FBXL7: variants seen among roughly 807,000 people sequenced by gnomAD.
FBXL7 encodes F-box/LRR-repeat protein 7.
Under a neutral mutation model 38.3 loss-of-function variants are expected in FBXL7, and 12 were observed. The ratio of observed to expected loss-of-function variants is 0.31; its 90% CI spans 0.20 to 0.51. The LOEUF is 0.51. Among genes scored for constraint, FBXL7 ranks in the 20% least tolerant of loss-of-function variants. The pLI is 0.98. For synonymous variants in FBXL7, 297 were observed against 300.9 expected (o/e 0.99, Z 0.13); for missense variants, 567 against 676.4 (o/e 0.84, Z 1.79).
intron 2 of FBXL7, among the ~76,000 whole-genome samples, chr5:15,797,105 T>C (rs1162152961): frequency 6.6e-6 from 1 of 152,236 alleles, no homozygotes; most frequent in Non-Finnish European, 1.5e-5. Context: ...GTGACATAGC[T>C]GAGTGACCAT....
chr5:15,514,779 A>G (rs773089446), intron 1 of FBXL7, among the ~76,000 whole-genome samples: 2 of 152,190 alleles, frequency 1.3e-5, no homozygotes, highest in Non-Finnish European at 2.9e-5. Context: ...CTGAAGGTTC[A>G]CAGCCCAGTG....
At chr5:15,810,561 C>CAA (rs35254262) in intron 2 of FBXL7, among the ~76,000 whole-genome samples, 214 of 135,644 alleles carry the variant, frequency 1.6e-3, no homozygotes, top group Non-Finnish European at 2.3e-3. Flanking sequence ...AACTCCGTCT[C>CAA]AAAAAAAAAA....
intron 2 of FBXL7, among the ~76,000 whole-genome samples, chr5:15,810,868 G>T (rs1195573404): frequency 6.6e-6 from 1 of 152,096 alleles, no homozygotes; most frequent in Non-Finnish European, 1.5e-5. Context: ...CATAGTTCTT[G>T]GTTCCCAGTA....
At chr5:15,656,662 A>G (rs1741891911) in intron 2 of FBXL7, among the ~76,000 whole-genome samples, 1 of 152,136 alleles carries the variant, frequency 6.6e-6, no homozygotes, top group Non-Finnish European at 1.5e-5. Context: ...GAGCCAAACC[A>G]TATCACAAGA....
At chr5:15,842,848 A>G (rs1171107177) in intron 2 of FBXL7, among the ~76,000 whole-genome samples, 1 of 152,216 alleles carries the variant, frequency 6.6e-6, no homozygotes, top group Non-Finnish European at 1.5e-5. Flanking sequence ...CTGTGAGTCA[A>G]TTAAATCTCC....
chr5:15,847,483 T>A (rs989626115), intron 2 of FBXL7, among the ~76,000 whole-genome samples: 3 of 152,126 alleles, frequency 2.0e-5, no homozygotes, highest in Non-Finnish European at 4.4e-5. Flanking sequence ...CAATTCAAGA[T>A]GAGATTTGGG....
At chr5:15,511,110 C>T (rs1736785115) in intron 1 of FBXL7, among the ~76,000 whole-genome samples, 1 of 152,126 alleles carries the variant, frequency 6.6e-6, no homozygotes, top group African/African-American at 2.4e-5. Context: ...GAGAAGTGGC[C>T]CCTTCCAAAT....
chr5:15,511,563 C>G (rs1736798082), intron 1 of FBXL7, among the ~76,000 whole-genome samples: 1 of 152,244 alleles, frequency 6.6e-6, no homozygotes, highest in African/African-American at 2.4e-5. Flanking sequence ...GGGGAATTAT[C>G]TCAACATATA....
chr5:15,793,895 C>T (rs145152109), intron 2 of FBXL7, among the ~76,000 whole-genome samples: 2 of 152,288 alleles, frequency 1.3e-5, no homozygotes, highest in African/African-American at 4.8e-5. Context: ...CAGCATGAAA[C>T]TTTAACGACT....
intron 2 of FBXL7, among the ~76,000 whole-genome samples, chr5:15,889,562 C>A (rs917900552): frequency 1.3e-5 from 2 of 152,148 alleles, no homozygotes. Context: ...TTTGGATGGC[C>A]TAAATCAGCA....
chr5:15,789,143 C>G lies in FBXL7; in HGVS notation c.128-138747C>G, dbSNP rs1416741402. The stretch of plus-strand genomic sequence containing the variant: ...GGGATTACAAGAATGAGCCACCATG[C>G]CCAGCCAATGGCACCTCTTTAAAAA... On this transcript the variant is annotated intron_variant, in intron 2 of 3. Transcript: ENST00000504595. 2.6e-5 allele frequency among the ~76,000 whole-genome samples: 4 copies of G among 152,098 alleles called. No individual in the cohort carries two copies. The South Asian group carries it at 8.3e-4, about 31-fold the overall frequency.
chr5:15,655,576 G>A (rs1048641482), intron 2 of FBXL7, among the ~76,000 whole-genome samples: 1 of 152,100 alleles, frequency 6.6e-6, no homozygotes. Flanking sequence ...AGCATGGTAA[G>A]CGAAGATCCA....
intron 2 of FBXL7, among the ~76,000 whole-genome samples, chr5:15,898,510 G>A (rs571066885): frequency 6.6e-6 from 1 of 152,262 alleles, no homozygotes; most frequent in South Asian, 2.1e-4. Flanking sequence ...TTAAAAGAGA[G>A]AAATGAAGAG....
chr5:15,620,230 CTTT>C (rs796293132), intron 2 of FBXL7, among the ~76,000 whole-genome samples: 4 of 134,136 alleles, frequency 3.0e-5, no homozygotes, highest in Admixed American at 7.6e-5. Flanking sequence ...TTCTTTTTTT[CTTT>C]TTTTTTTTTT....
chr5:15,661,419 A>G (rs1742065450), intron 2 of FBXL7, among the ~76,000 whole-genome samples: 1 of 152,078 alleles, frequency 6.6e-6, no homozygotes, highest in African/African-American at 2.4e-5. Context: ...GTTAGCTAAA[A>G]CTTCTGTGTA....
At chr5:15,501,627 C>T (rs1736488448) in intron 1 of FBXL7, 1 of 985,420 alleles carries the variant, frequency 1.0e-6, no homozygotes, top group South Asian at 4.7e-5. Context: ...GGGGCCAGCG[C>T]TTGCAGACTG....
chr5:15,766,043 T>TCTACCTACCTACCTACCTACCTAC (rs140480289), intron 2 of FBXL7, among the ~76,000 whole-genome samples: 54 of 147,138 alleles, frequency 3.7e-4, no homozygotes, highest in Non-Finnish European at 6.9e-4. Context: ...TGTCTGTCTA[T>TCTACCTACCTACCTACCTACCTAC]CTACCTACCT....
intron 2 of FBXL7, among the ~76,000 whole-genome samples, chr5:15,739,725 TATAGA>T (rs2126673388): frequency 6.6e-6 from 1 of 152,372 alleles, no homozygotes; most frequent in East Asian, 1.9e-4. Flanking sequence ...TCTTTATTGT[TATAGA>T]ATATTCCATT....
intron 2 of FBXL7, among the ~76,000 whole-genome samples, chr5:15,761,423 G>T (rs1391336287): frequency 6.6e-6 from 1 of 152,120 alleles, no homozygotes; most frequent in Non-Finnish European, 1.5e-5. Context: ...CTTGGAGAAG[G>T]TAGGAAACAA....
Sources: gnomAD v4.1 joint callset for allele counts (sites outside exome capture counted in the v4.1 genomes callset) on GRCh38, gnomAD v4.1.1 for gene constraint, MANE v1.5 for transcripts, NCBI Gene and HGNC (gene_info 2026-07-23, HGNC 2026-07-21) for gene names.